SLC14A2: variants seen among roughly 807,000 people sequenced by gnomAD.
SLC14A2 encodes the protein urea transporter 2.
Under a neutral mutation model 104.6 loss-of-function variants are expected in SLC14A2, and 91 were observed. That is an observed-to-expected ratio of 0.87 (90% CI 0.73 to 1.04). SLC14A2 has a LOEUF of 1.04. SLC14A2 is among the 50% of genes least tolerant of loss of function. The probability of loss-of-function intolerance (pLI) is 0.00; values close to 1 mark genes in which losing one functional copy is unlikely to be tolerated. For missense variants in SLC14A2, 1,189 were observed against 1,156.0 expected (o/e 1.03, Z -0.41); for synonymous variants, 476 against 466.4 (o/e 1.02, Z -0.27).
chr18:45,561,800 G>C (rs180697365), intron 2 of SLC14A2, among the ~76,000 whole-genome samples: 1 of 151,976 alleles, frequency 6.6e-6, no homozygotes, highest in African/African-American at 2.4e-5. Context: ...AGTATTTGTC[G>C]ATATGGCACT....
intron 10 of SLC14A2, chr18:45,648,074 CT>C (rs1332970415): frequency 6.6e-6 from 1 of 151,360 alleles, no homozygotes; most frequent in African/African-American, 2.4e-5. Flanking sequence ...CTTTGCATTT[CT>C]AAAACATTTA....
chr18:45,348,044 C>T (rs1006963425), intron 1 of SLC14A2, among the ~76,000 whole-genome samples: 1 of 152,200 alleles, frequency 6.6e-6, no homozygotes, highest in Non-Finnish European at 1.5e-5. Context: ...AAGTGGAATT[C>T]GTCAATTGAA....
intron 2 of SLC14A2, among the ~76,000 whole-genome samples, chr18:45,595,985 C>T (rs1599044427): frequency 6.6e-6 from 1 of 152,120 alleles, no homozygotes; most frequent in Non-Finnish European, 1.5e-5. Context: ...TTCCTGGAGC[C>T]CTACTGCTGA....
At chr18:45,417,400 A>T (rs1342417722) in intron 1 of SLC14A2, among the ~76,000 whole-genome samples, 1 of 152,176 alleles carries the variant, frequency 6.6e-6, no homozygotes, top group Non-Finnish European at 1.5e-5. Flanking sequence ...AAAGAAGGAG[A>T]TTTAATTGAC....
chr18:45,483,101 AT>A (rs949982158), intron 1 of SLC14A2: 8 of 151,916 alleles, frequency 5.3e-5, no homozygotes, highest in African/African-American at 1.2e-4. Flanking sequence ...CTGTTTCCTT[AT>A]TTTTTTCTTT....
intron 1 of SLC14A2, among the ~76,000 whole-genome samples, chr18:45,261,220 G>A (rs1599622548): frequency 6.6e-6 from 1 of 151,506 alleles, no homozygotes; most frequent in Admixed American, 6.6e-5. Flanking sequence ...GTGTCCATGT[G>A]TTCTCATTGT....
At chr18:45,182,455 A>C in the SLC14A2 span, among the ~76,000 whole-genome samples, 1 of 151,920 alleles carries the variant, frequency 6.6e-6, no homozygotes, top group Non-Finnish European at 1.5e-5. Context: ...GATTTGAAAA[A>C]TGTGTTATTT....
the SLC14A2 span, among the ~76,000 whole-genome samples, chr18:45,184,746 A>G: frequency 6.6e-6 from 1 of 152,252 alleles, no homozygotes; most frequent in Non-Finnish European, 1.5e-5. Flanking sequence ...CTAACTTTAT[A>G]ATGGATTAAA....
chr18:45,271,789 GA>G lies in SLC14A2; in HGVS notation c.-125+58606del, dbSNP rs536561225. Among the ~76,000 whole-genome samples, 463 of 151,752 alleles carry G rather than the reference GA, an allele frequency of 3.1e-3. 1 individual carries two copies. The highest frequency in any genetic ancestry group is 5.0e-3 in the Non-Finnish European group (341 of 67,858). On this transcript the variant is annotated intron_variant, in intron 1 of 20. Coordinates refer to the SLC14A2 transcript ENST00000586448. ...ATCAATGACATTCTTCACAGAAATA[GA>G]AAAAAAATCCTAAAATTTATATCGA...
intron 1 of SLC14A2, among the ~76,000 whole-genome samples, chr18:45,480,496 C>T (rs2144695399): frequency 6.6e-6 from 1 of 152,280 alleles, no homozygotes; most frequent in South Asian, 2.1e-4. Flanking sequence ...AAAGGGAAGG[C>T]CCAAGGGATA....
chr18:45,434,237 C>G (rs1197635871), intron 1 of SLC14A2, among the ~76,000 whole-genome samples: 1 of 152,122 alleles, frequency 6.6e-6, no homozygotes, highest in East Asian at 1.9e-4. Flanking sequence ...TCATGGCCAG[C>G]CACAAAGCCG....
intron 1 of SLC14A2, among the ~76,000 whole-genome samples, chr18:45,331,646 G>A (rs1003212922): frequency 6.7e-6 from 1 of 149,708 alleles, no homozygotes; most frequent in Admixed American, 6.7e-5. Context: ...AGCCGAGATC[G>A]CACCACTGCA....
At chr18:45,429,869 G>T (rs527865621) in intron 1 of SLC14A2, among the ~76,000 whole-genome samples, 3 of 152,274 alleles carry the variant, frequency 2.0e-5, no homozygotes, top group South Asian at 4.1e-4. Context: ...GGAACAGAAA[G>T]AACCTGGTTC....
At chr18:45,665,688 C>CTTTCTTTT (rs371437384) in intron 11 of SLC14A2, among the ~76,000 whole-genome samples, 23 of 79,302 alleles carry the variant, frequency 2.9e-4, no homozygotes, top group African/African-American at 1.2e-3. Flanking sequence ...AACCAAGTTT[C>CTTTCTTTT]TTTTTTTTTT....
chr18:45,312,574 G>T (rs1199373057), intron 1 of SLC14A2, among the ~76,000 whole-genome samples: 1 of 152,088 alleles, frequency 6.6e-6, no homozygotes, highest in East Asian at 1.9e-4. Context: ...GGAAAATGTG[G>T]ATCAGAAAAA....
intron 1 of SLC14A2, among the ~76,000 whole-genome samples, chr18:45,440,102 T>C (rs186660370): frequency 6.6e-6 from 1 of 152,190 alleles, no homozygotes; most frequent in Non-Finnish European, 1.5e-5. Flanking sequence ...CAAATCATGA[T>C]CTAATGAAAA....
At chr18:45,372,217 C>T (rs963684971) in intron 1 of SLC14A2, among the ~76,000 whole-genome samples, 1 of 152,046 alleles carries the variant, frequency 6.6e-6, no homozygotes, top group South Asian at 2.1e-4. Flanking sequence ...GAGCCTGAGG[C>T]AGGAGAATCG....
intron 1 of SLC14A2, among the ~76,000 whole-genome samples, chr18:45,293,180 C>G (rs185341206): frequency 2.6e-5 from 4 of 152,088 alleles, no homozygotes; most frequent in East Asian, 1.9e-4. Flanking sequence ...CCATGGAGAA[C>G]CTTTTTTGAC....
intron 1 of SLC14A2, among the ~76,000 whole-genome samples, chr18:45,293,834 CT>C: frequency 6.6e-6 from 1 of 152,206 alleles, no homozygotes; most frequent in Non-Finnish European, 1.5e-5. Context: ...TTAGTAAGCA[CT>C]TAAAAAATGT....
Sources: gnomAD v4.1 joint callset for allele counts (sites outside exome capture counted in the v4.1 genomes callset) on GRCh38, gnomAD v4.1.1 for gene constraint, MANE v1.5 for transcripts, NCBI Gene and HGNC (gene_info 2026-07-23, HGNC 2026-07-21) for gene names.